The following KLHDC4 variants were observed in gnomAD, a reference collection of about 807,000 sequenced individuals.
The protein encoded by KLHDC4 is kelch domain containing 4, also known as kelch domain-containing protein 4.
In KLHDC4, 90 loss-of-function variants were observed where a neutral mutation model predicts 62.4. That is an observed-to-expected ratio of 1.44 (90% CI 1.22 to 1.72). The LOEUF (loss-of-function observed/expected upper bound fraction) is 1.72, where lower values mean the gene tolerates loss of function less well. Among genes scored for constraint, KLHDC4 ranks in the 40% most tolerant of loss-of-function variants. The pLI is 0.00. For missense variants in KLHDC4, 1,025 were observed against 699.7 expected, an observed-to-expected ratio of 1.47 and a Z score of -5.25; for synonymous variants, 386 against 284.4, an observed-to-expected ratio of 1.36 and a Z score of -3.59.
chr16:87,708,696 TAACGGAGCGGCTGGCC>T (rs1178598283), intron 10 of KLHDC4: 2 of 410,082 alleles, frequency 4.9e-6, no homozygotes, highest in Non-Finnish European at 8.6e-6. Flanking sequence ...AGCACCCCCA[TAACGGAGCGGCTGGCC>T]AACGGGGCCT....
chr16:87,737,744 T>C (rs79152914), intron 5 of KLHDC4, among the ~76,000 whole-genome samples: 8,745 of 152,098 alleles, frequency 0.057, 327 homozygotes, highest in East Asian at 0.16. Context: ...CCCACCATCA[T>C]GCCTGGCTAA....
chr16:87,754,813 C>A (rs1267689000), intron 4 of KLHDC4, among the ~76,000 whole-genome samples: 2 of 152,212 alleles, frequency 1.3e-5, no homozygotes, highest in Non-Finnish European at 2.9e-5. Flanking sequence ...CCACTCGTTT[C>A]CGCTAATACA....
chr16:87,710,020 C>G, intron 9 of KLHDC4: 1 of 254,286 alleles, frequency 3.9e-6, no homozygotes, highest in Non-Finnish European at 7.5e-6. Flanking sequence ...TGGGAAAACC[C>G]AATCACCCAC....
intron 5 of KLHDC4, among the ~76,000 whole-genome samples, chr16:87,743,347 C>CG (rs1423834636): frequency 6.6e-6 from 1 of 152,160 alleles, no homozygotes; most frequent in Admixed American, 6.5e-5. Flanking sequence ...CTCCCACCTC[C>CG]GTTTCCTAAA....
At chr16:87,758,912 A>T (rs993841057) in intron 2 of KLHDC4, among the ~76,000 whole-genome samples, 1 of 152,208 alleles carries the variant, frequency 6.6e-6, no homozygotes, top group Non-Finnish European at 1.5e-5. Flanking sequence ...GCATTGGCTC[A>T]TGCCTGTAAT....
intron 8 of KLHDC4, among the ~76,000 whole-genome samples, chr16:87,712,654 A>T (rs2036134397): frequency 6.6e-6 from 1 of 152,256 alleles, no homozygotes; most frequent in Non-Finnish European, 1.5e-5. Context: ...GCAGTAAGGC[A>T]GGGCCCTGGG....
chr16:87,717,415 C>G (rs1187656957), intron 7 of KLHDC4, among the ~76,000 whole-genome samples: 1 of 152,200 alleles, frequency 6.6e-6, no homozygotes. Context: ...TTGAAACATG[C>G]AAATGATCCA....
At chr16:87,728,750 G>A (rs1448028563) in intron 6 of KLHDC4, among the ~76,000 whole-genome samples, 1 of 152,026 alleles carries the variant, frequency 6.6e-6, no homozygotes, top group Non-Finnish European at 1.5e-5. Flanking sequence ...GGAGGCCGAG[G>A]CATGTGGATC....
intron 7 of KLHDC4, among the ~76,000 whole-genome samples, chr16:87,718,847 G>A (rs1300459225): frequency 6.6e-6 from 1 of 151,624 alleles, no homozygotes; most frequent in Non-Finnish European, 1.5e-5. Context: ...GCCCCGTCTG[G>A]GATGTGAGGA....
chr16:87,718,941 T>A (rs1369288801), intron 7 of KLHDC4, among the ~76,000 whole-genome samples: 1 of 144,454 alleles, frequency 6.9e-6, no homozygotes, highest in African/African-American at 2.6e-5. Context: ...GTGAGGAGCG[T>A]CTCTGCCCGG....
At chr16:87,762,102 C>A (rs2045978840) in intron 1 of KLHDC4, 62 bp from the exon 2 acceptor site, 1 of 1,597,780 alleles carries the variant, frequency 6.3e-7, no homozygotes, top group Admixed American at 1.7e-5. Context: ...GAGCCACAGC[C>A]CGCTCAGCTT....
exon 1 of KLHDC4, chr16:87,698,215 T>G (rs1415969037): frequency 6.6e-6 from 1 of 152,420 alleles, no homozygotes; most frequent in African/African-American, 2.4e-5. Flanking sequence ...CCGCCTGGTC[T>G]GGTGGGGGCA....
At chr16:87,721,882 G>A (rs1472619079) in intron 7 of KLHDC4, among the ~76,000 whole-genome samples, 2 of 151,848 alleles carry the variant, frequency 1.3e-5, no homozygotes, top group East Asian at 1.9e-4. Context: ...GCAGGACTCC[G>A]CCCCTCGCTG....
intron 4 of KLHDC4, among the ~76,000 whole-genome samples, chr16:87,749,787 G>T (rs182913762): frequency 1.3e-5 from 2 of 152,180 alleles, no homozygotes; most frequent in Admixed American, 1.3e-4. Context: ...CGCTGTCCAG[G>T]CTGGTCTCAA....
chr16:87,714,936 C>T (rs1401692807), intron 7 of KLHDC4, among the ~76,000 whole-genome samples: 1 of 152,212 alleles, frequency 6.6e-6, no homozygotes, highest in African/African-American at 2.4e-5. Flanking sequence ...GGATCCCCAC[C>T]GCCTTCCAAA....
intron 3 of KLHDC4, chr16:87,755,640 C>T (rs1490702002): frequency 9.9e-6 from 2 of 202,576 alleles, no homozygotes; most frequent in Non-Finnish European, 2.0e-5. Context: ...AATCTTTGCT[C>T]ACTGCAACCT....
At chr16:87,701,776 C>T (rs1257134082) in exon 1 of KLHDC4, 3 of 456,686 alleles carry the variant, frequency 6.6e-6, no homozygotes, top group South Asian at 3.1e-5. Context: ...CACACCCGTC[C>T]GCCATCCTTC....
At chr16:87,711,952 C>G (rs555451315) in intron 8 of KLHDC4, among the ~76,000 whole-genome samples, 1 of 145,508 alleles carries the variant, frequency 6.9e-6, no homozygotes. Flanking sequence ...GGGGACCCTC[C>G]GCCCTGCAAG....
intron 1 of KLHDC4, among the ~76,000 whole-genome samples, chr16:87,764,818 G>A (rs983399832): frequency 7.9e-6 from 1 of 127,110 alleles, no homozygotes; most frequent in Non-Finnish European, 1.6e-5. Context: ...AGGTGACAGA[G>A]CAAGACTCTG....
Sources: allele counts gnomAD v4.1 joint callset (sites outside exome capture counted in the v4.1 genomes callset), GRCh38; gene constraint gnomAD v4.1.1; transcripts MANE v1.5; gene names NCBI Gene and HGNC (gene_info 2026-07-23, HGNC 2026-07-21).